The following MTPAP variants were observed in gnomAD, a reference collection of about 807,000 sequenced individuals.
The protein encoded by MTPAP is mitochondrial poly(A) polymerase, also known as poly(A) RNA polymerase, mitochondrial.
In MTPAP, 23 loss-of-function variants were observed where a neutral mutation model predicts 48.7. The observed-to-expected ratio is 0.47, with a 90% CI of 0.34 to 0.67. The LOEUF is 0.67. Ranked by LOEUF, MTPAP falls within the 30% of genes least tolerant of loss-of-function variation. MTPAP has a pLI of 0.01. For synonymous variants in MTPAP, 257 were observed against 254.1 expected (o/e 1.01, Z -0.11); for missense variants, 614 against 694.3 (o/e 0.88, Z 1.30).
At chr10:30,344,554 C>T (rs181324194) in intron 1 of MTPAP, among the ~76,000 whole-genome samples, 5 of 152,228 alleles carry the variant, frequency 3.3e-5, no homozygotes, top group Admixed American at 3.3e-4. Context: ...CCAAGTGGTC[C>T]TTATTTCCTT....
chr10:30,328,686 A>C (rs931714590), intron 4 of MTPAP, among the ~76,000 whole-genome samples: 1 of 152,156 alleles, frequency 6.6e-6, no homozygotes, highest in African/African-American at 2.4e-5. Context: ...TAAGCACTGT[A>C]GGAGTGTACC....
chr10:30,316,968 T>C (rs980828764), intron 6 of MTPAP, among the ~76,000 whole-genome samples: 1 of 152,306 alleles, frequency 6.6e-6, no homozygotes, highest in Non-Finnish European at 1.5e-5. Flanking sequence ...TTATAAATGA[T>C]TGAATAATTA....
At chr10:30,348,974 G>T in intron 1 of MTPAP, 145 bp downstream of exon 1, 1 of 1,233,012 alleles carries the variant, frequency 8.1e-7, no homozygotes, top group Non-Finnish European at 1.1e-6. Context: ...CCCCTACAGA[G>T]ATCAGAGGAG....
At chr10:30,320,426 G>A (rs1422627476) in intron 6 of MTPAP, among the ~76,000 whole-genome samples, 1 of 152,198 alleles carries the variant, frequency 6.6e-6, no homozygotes, top group Non-Finnish European at 1.5e-5. Flanking sequence ...TCAGGAGGCT[G>A]AAGTGAGATT....
At chr10:30,335,837 C>T (rs530746672) in intron 4 of MTPAP, among the ~76,000 whole-genome samples, 8 of 152,048 alleles carry the variant, frequency 5.3e-5, no homozygotes, top group African/African-American at 1.9e-4. Flanking sequence ...AGGTAAAACC[C>T]CGTCTCTACT....
chr10:30,320,692 G>C (rs1457339558), intron 6 of MTPAP, among the ~76,000 whole-genome samples: 1 of 152,116 alleles, frequency 6.6e-6, no homozygotes, highest in East Asian at 1.9e-4. Flanking sequence ...GAGATAAGGA[G>C]GAAAGACAAC....
At chr10:30,342,784 C>A (rs983935739) in intron 1 of MTPAP, among the ~76,000 whole-genome samples, 2 of 152,090 alleles carry the variant, frequency 1.3e-5, no homozygotes, top group Non-Finnish European at 2.9e-5. Flanking sequence ...AACTATCATG[C>A]GCTCTGTATC....
At chr10:30,315,240 G>C (rs996374565) in intron 8 of MTPAP, among the ~76,000 whole-genome samples, 2 of 152,198 alleles carry the variant, frequency 1.3e-5, no homozygotes, top group African/African-American at 4.8e-5. Flanking sequence ...CCATGAGCAG[G>C]TAAGAGGGAA....
chr10:30,315,049 G>A (rs762392574), intron 8 of MTPAP, among the ~76,000 whole-genome samples: 1 of 152,124 alleles, frequency 6.6e-6, no homozygotes, highest in Non-Finnish European at 1.5e-5. Context: ...ATTCCCTGAT[G>A]TGAGCAGCAG....
At chr10:30,332,419 G>C (rs1343224164) in intron 4 of MTPAP, among the ~76,000 whole-genome samples, 5 of 152,044 alleles carry the variant, frequency 3.3e-5, no homozygotes, top group Non-Finnish European at 7.4e-5. Flanking sequence ...TCAGCCTTCT[G>C]AGTAGCTGGG....
At chr10:30,316,857 C>T (rs553022412) in intron 6 of MTPAP, among the ~76,000 whole-genome samples, 2 of 151,822 alleles carry the variant, frequency 1.3e-5, no homozygotes, top group African/African-American at 4.8e-5. Flanking sequence ...ATCACTGTTG[C>T]CTGGGCAAGA....
At chr10:30,346,796 AGGGAT>A (rs1382522150) in intron 1 of MTPAP, among the ~76,000 whole-genome samples, 1 of 152,150 alleles carries the variant, frequency 6.6e-6, no homozygotes, top group African/African-American at 2.4e-5. Context: ...CCCATGAGAT[AGGGAT>A]TATCAGACTA....
At chr10:30,340,989 A>C (rs1475112395) in intron 2 of MTPAP, among the ~76,000 whole-genome samples, 1 of 152,100 alleles carries the variant, frequency 6.6e-6, no homozygotes, top group Non-Finnish European at 1.5e-5. Flanking sequence ...AGAATGATGA[A>C]GCAGAAAAAT....
At position 30,313,519 on chromosome 10, in the gene MTPAP, G is replaced by A. The variant is rs571328710; in HGVS notation, c.*90C>T. On this transcript the variant is annotated 3_prime_UTR_variant, in exon 9 of 9. Transcript: ENST00000263063. ...AAAAGTGACATCAGATGAAAGCTGAGATCTGTGAAAGTTTCAAATCAGTTT... is the reference window on the plus strand; with the variant it reads ...AAAAGTGACATCAGATGAAAGCTGAAATCTGTGAAAGTTTCAAATCAGTTT... 9.2e-6 allele frequency: 14 copies of A among 1,523,868 alleles called. No homozygotes were observed. In the East Asian group the frequency reaches 2.9e-4, roughly 32 times the overall value. The allele number at this position is 1,523,868 out of a possible 1,614,324, so 94.4% of individuals were successfully genotyped here.
rs572545036 is a variant in MTPAP, at chr10:30,331,814, A to G, written c.780+4989T>C. Reference sequence around the variant, plus strand: ...ACTCCTGACCTCAGGTGATCCGCCCACCTTGGCCTCCCAAAGTGCTGGGAT... The same window carrying G: ...ACTCCTGACCTCAGGTGATCCGCCCGCCTTGGCCTCCCAAAGTGCTGGGAT... On this transcript the variant is annotated intron_variant, in intron 4 of 8. Coordinates refer to ENST00000263063, the MANE Select transcript of MTPAP (RefSeq NM_018109.4). Among the ~76,000 whole-genome samples the G allele has an allele frequency of 1.1e-4, 17 of 152,310 alleles. No individual in the cohort carries two copies. In the East Asian group the frequency reaches 2.5e-3, roughly 22 times the overall value.
intron 4 of MTPAP, among the ~76,000 whole-genome samples, chr10:30,332,316 A>C (rs143498883): frequency 6.6e-6 from 1 of 152,126 alleles, no homozygotes; most frequent in Non-Finnish European, 1.5e-5. Context: ...TATGTATGAC[A>C]GAGTCTTGCT....
chr10:30,323,570 C>T (rs898342628), intron 5 of MTPAP, among the ~76,000 whole-genome samples: 4 of 152,026 alleles, frequency 2.6e-5, no homozygotes, highest in African/African-American at 7.2e-5. Flanking sequence ...AGCGCAATGG[C>T]GCGATCTTGG....
At chr10:30,348,129 A>G (rs568781314) in intron 1 of MTPAP, among the ~76,000 whole-genome samples, 16 of 152,356 alleles carry the variant, frequency 1.1e-4, no homozygotes, top group African/African-American at 3.8e-4. Flanking sequence ...TTTTTGGCAG[A>G]ATCCTTACTC....
In MTPAP at chr10:30,323,321, G is replaced by A. The variant is rs560150677; in HGVS notation, c.993-704C>T. Among the ~76,000 whole-genome samples, 66 of 150,628 alleles carry A rather than the reference G, an allele frequency of 4.4e-4. No individual in the cohort carries two copies. The South Asian group carries it at 0.012, about 27-fold the overall frequency. ...ACAAAAATTAGCTGGGCGTGGTGGC[G>A]CATGCCTGTAATTCTAGCTACTTGG... On this transcript the variant is annotated intron_variant, in intron 5 of 8. Transcript: ENST00000263063.
Sources: allele counts gnomAD v4.1 joint callset (sites outside exome capture counted in the v4.1 genomes callset), GRCh38; gene constraint gnomAD v4.1.1; transcripts MANE v1.5; gene names NCBI Gene and HGNC (gene_info 2026-07-23, HGNC 2026-07-21).